The following SLC16A9 variants were observed in gnomAD, a reference collection of about 807,000 sequenced individuals.
SLC16A9 encodes monocarboxylate transporter 9.
In SLC16A9, 26 loss-of-function variants were observed where a neutral mutation model predicts 44.3. That is an observed-to-expected ratio of 0.59 (90% CI 0.43 to 0.81). SLC16A9 has a LOEUF of 0.81. Ranked by LOEUF, SLC16A9 falls within the 40% of genes least tolerant of loss-of-function variation. The pLI, the probability that SLC16A9 is intolerant of heterozygous loss-of-function variation, is 0.00. For synonymous variants in SLC16A9, 230 were observed against 225.1 expected, an observed-to-expected ratio of 1.02 and a Z score of -0.19; for missense variants, 559 against 595.8, an observed-to-expected ratio of 0.94 and a Z score of 0.64.
chr10:59,674,490 G>C (rs1839817998), intron 2 of SLC16A9, among the ~76,000 whole-genome samples: 1 of 152,196 alleles, frequency 6.6e-6, no homozygotes, highest in African/African-American at 2.4e-5. Context: ...ATGACAAATA[G>C]AGGGAAATAT....
intron 1 of SLC16A9, among the ~76,000 whole-genome samples, chr10:59,694,698 G>A (rs1300090664): frequency 6.6e-6 from 1 of 150,470 alleles, no homozygotes; most frequent in Non-Finnish European, 1.5e-5. Context: ...CTACTTGGGG[G>A]CTGAGACAGG....
At position 59,653,773 on chromosome 10, in the gene SLC16A9, A is replaced by C; in HGVS notation, c.1253T>G (p.Val418Gly). 6.2e-7 allele frequency: 1 copy of C among 1,614,054 alleles called. No homozygotes were observed. The highest frequency in any genetic ancestry group is 8.5e-7 in the Non-Finnish European group (1 of 1,179,904). The change falls in exon 5 of 6, where the codon GTG becomes GGG. Residue 418 changes from valine to glycine, a missense_variant. Val to Gly is a moderately radical substitution (Grantham distance 109, BLOSUM62 -3). Transcript: ENST00000395348. ...LTGNWSIFPY[V>G]TTKTVGIEKL... ...TTCAATTCCCACAGTCTTCGTGGTC[A>C]CATATGGAAAGATGGACCAATTACC... is the stretch of plus-strand genomic sequence containing the variant.
At chr10:59,697,929 T>C (rs1301537306) in intron 1 of SLC16A9, among the ~76,000 whole-genome samples, 1 of 148,176 alleles carries the variant, frequency 6.7e-6, no homozygotes, top group Non-Finnish European at 1.5e-5. Flanking sequence ...TAAGAGTGGG[T>C]TGCAAATTCA....
chr10:59,683,976 C>T, intron 2 of SLC16A9, 120 bp downstream of exon 2: 1 of 713,776 alleles, frequency 1.4e-6, no homozygotes. Context: ...GCAATGAAGG[C>T]AGGAAAAGAT....
chr10:59,656,700 G>A (rs993170074), intron 4 of SLC16A9, among the ~76,000 whole-genome samples: 17 of 152,158 alleles, frequency 1.1e-4, no homozygotes, highest in Non-Finnish European at 1.6e-4. Flanking sequence ...TGTGCAGGAC[G>A]TGCAGTTTTG....
chr10:59,667,142 TA>T, intron 3 of SLC16A9, among the ~76,000 whole-genome samples: 1 of 152,234 alleles, frequency 6.6e-6, no homozygotes, highest in Admixed American at 6.5e-5. Context: ...CACATGGATT[TA>T]CTATAACAGA....
intron 3 of SLC16A9, among the ~76,000 whole-genome samples, chr10:59,666,253 C>G (rs1442016616): frequency 1.3e-5 from 2 of 149,588 alleles, no homozygotes; most frequent in Non-Finnish European, 3.0e-5. Flanking sequence ...AAGCTGAGAT[C>G]GCGCCATTGC....
rs760552292 is a variant in SLC16A9, at chr10:59,672,808, T to C, written c.302A>G (p.Asn101Ser). ...GGLMLSSFAP[N>S]IYFLFFSYGI... Reference sequence around the variant, plus strand: ...ATAGGAAAAAAACAGAAAGTAGATATTGGGAGCAAAACTGCTCAACATCAG... The same window carrying C: ...ATAGGAAAAAAACAGAAAGTAGATACTGGGAGCAAAACTGCTCAACATCAG... Residue 101 changes from asparagine (N) to serine (S), a missense_variant, in exon 3 of 6, where the codon AAT becomes AGT. Physicochemically the swap from Asn to Ser is conservative, Grantham distance 46. Coordinates refer to ENST00000395348, the MANE Select transcript of SLC16A9 (RefSeq NM_194298.3). 6.2e-7 allele frequency: 1 copy of C among 1,613,580 alleles called. No homozygotes were observed. The highest frequency in any genetic ancestry group is 8.5e-7 in the Non-Finnish European group (1 of 1,179,838).
chr10:59,652,525 AC>A lies in SLC16A9; in HGVS notation c.*246del. The A allele has an allele frequency of 3.1e-6, 1 of 327,434 alleles. No homozygotes were observed. Among genetic ancestry groups the A allele is most frequent in the Non-Finnish European group, 5.5e-6 (1 of 182,656 alleles). The allele number at this position is 327,434 out of a possible 1,614,324, so 20.3% of individuals were successfully genotyped here. ...TTACAATGTTAAGAACTAGTGAATA[AC>A]AGCAAAACAGAATAGTCCCATTGAT... On this transcript the variant is annotated 3_prime_UTR_variant, in exon 6 of 6. Coordinates refer to ENST00000395348, the MANE Select transcript of SLC16A9 (RefSeq NM_194298.3).
chr10:59,685,855 A>C (rs989889306), intron 1 of SLC16A9, among the ~76,000 whole-genome samples: 6 of 152,218 alleles, frequency 3.9e-5, no homozygotes, highest in African/African-American at 1.4e-4. Flanking sequence ...AATTAAGTTC[A>C]AGAGCATTGA....
At chr10:59,694,817 T>TATATATAC (rs145769219) in intron 1 of SLC16A9, among the ~76,000 whole-genome samples, 1 of 47,726 alleles carries the variant, frequency 2.1e-5, no homozygotes, top group Admixed American at 2.3e-4. Context: ...TATATATATA[T>TATATATAC]ACACACACAC....
chr10:59,657,461 C>T (rs1334139073), intron 4 of SLC16A9, among the ~76,000 whole-genome samples: 2 of 152,188 alleles, frequency 1.3e-5, no homozygotes, highest in Admixed American at 1.3e-4. Context: ...TTTAGCTTAT[C>T]ATATCTTTGA....
intron 4 of SLC16A9, among the ~76,000 whole-genome samples, chr10:59,659,640 C>T (rs541040816): frequency 6.6e-6 from 1 of 152,188 alleles, no homozygotes; most frequent in East Asian, 1.9e-4. Context: ...CAGCTCTGGA[C>T]CAAGCACACC....
intron 1 of SLC16A9, among the ~76,000 whole-genome samples, chr10:59,699,761 C>G (rs528755583): frequency 1.3e-4 from 20 of 152,098 alleles, no homozygotes; most frequent in African/African-American, 4.8e-4. Context: ...TATAGCTCCC[C>G]CAAAATCTTT....
intron 4 of SLC16A9, among the ~76,000 whole-genome samples, chr10:59,660,735 A>G (rs1403182368): frequency 6.6e-6 from 1 of 152,194 alleles, no homozygotes; most frequent in Non-Finnish European, 1.5e-5. Context: ...CCTGATAAAC[A>G]TTGATACGAA....
chr10:59,652,902 C>A lies in SLC16A9; in HGVS notation c.1400G>T (p.Ser467Ile). 6.2e-7 allele frequency: 1 copy of A among 1,613,316 alleles called. No homozygotes were observed. The highest frequency in any genetic ancestry group is 1.1e-5 in the South Asian group (1 of 90,986). ...ACCTCCCAGCAGGACGCAGAAGCCACTAAAATAAAATGCAATATCATAGGT... is the reference window on the plus strand; with the variant it reads ...ACCTCCCAGCAGGACGCAGAAGCCAATAAAATAAAATGCAATATCATAGGT... The part of the protein sequence containing the change: ...TQTYDIAFYF[S>I]GFCVLLGGFI... The change falls in exon 6 of 6, where the codon AGT becomes ATT. Residue 467 changes from serine to isoleucine, a missense_variant. By Grantham distance (142) the Ser-to-Ile change is moderately radical. Coordinates refer to ENST00000395348, the MANE Select transcript of SLC16A9 (RefSeq NM_194298.3).
intron 2 of SLC16A9, among the ~76,000 whole-genome samples, chr10:59,678,817 A>G (rs898010717): frequency 1.3e-5 from 2 of 151,696 alleles, no homozygotes; most frequent in South Asian, 2.1e-4. Context: ...TGCTGGGATT[A>G]CAGGCGTGAG....
intron 3 of SLC16A9, among the ~76,000 whole-genome samples, chr10:59,666,234 G>A (rs1298039347): frequency 6.6e-6 from 1 of 151,652 alleles, no homozygotes; most frequent in African/African-American, 2.4e-5. Context: ...TGGAGGTGGA[G>A]GTTGCAGCAA....
intron 1 of SLC16A9, among the ~76,000 whole-genome samples, chr10:59,696,349 G>A (rs7917764): frequency 4.7e-4 from 72 of 152,336 alleles, no homozygotes; most frequent in African/African-American, 1.5e-3. Flanking sequence ...CGAGTGATCC[G>A]CCAGCCTCGG....
Sources: allele counts gnomAD v4.1 joint callset (sites outside exome capture counted in the v4.1 genomes callset), GRCh38; gene constraint gnomAD v4.1.1; transcripts MANE v1.5; gene names NCBI Gene and HGNC (gene_info 2026-07-23, HGNC 2026-07-21).